Variants in PTPRD observed in about 807,000 individuals in gnomAD.
PTPRD encodes the protein receptor-type tyrosine-protein phosphatase delta.
PTPRD carries 34 observed loss-of-function variants against 214.5 expected under a neutral mutation model. That is an observed-to-expected ratio of 0.16 (90% CI 0.12 to 0.21). The LOEUF (loss-of-function observed/expected upper bound fraction) is 0.21, where lower values mean the gene tolerates loss of function less well. PTPRD is among the 10% of genes least tolerant of loss of function. PTPRD has a pLI of 1.00. For missense variants in PTPRD, 2,545 were observed against 2,398.7 expected, an observed-to-expected ratio of 1.06 and a Z score of -1.27; for synonymous variants, 1,128 against 845.7, an observed-to-expected ratio of 1.33 and a Z score of -5.79.
intron 3 of PTPRD, among the ~76,000 whole-genome samples, chr9:10,082,497 C>G (rs1454265764): frequency 6.6e-6 from 1 of 151,930 alleles, no homozygotes; most frequent in Non-Finnish European, 1.5e-5. Context: ...ACAATTCTAT[C>G]AACTGGAAAT....
chr9:10,392,928 T>G (rs2098098130), intron 2 of PTPRD, among the ~76,000 whole-genome samples: 1 of 151,790 alleles, frequency 6.6e-6, no homozygotes. Context: ...AATCCTGTGA[T>G]TCATCACAGT....
At chr9:8,872,942 G>C (rs1048389002) in intron 11 of PTPRD, among the ~76,000 whole-genome samples, 3 of 152,176 alleles carry the variant, frequency 2.0e-5, no homozygotes, top group African/African-American at 7.2e-5. Context: ...AGTGCTGTCG[G>C]TGGAAAATAG....
intron 11 of PTPRD, among the ~76,000 whole-genome samples, chr9:8,759,223 T>C (rs1420965378): frequency 6.6e-6 from 1 of 152,042 alleles, no homozygotes; most frequent in African/African-American, 2.4e-5. Flanking sequence ...GGTTTAACTT[T>C]TTTATTTTCA....
intron 2 of PTPRD, among the ~76,000 whole-genome samples, chr9:10,464,544 G>A (rs1217794804): frequency 6.6e-6 from 1 of 151,900 alleles, no homozygotes; most frequent in Non-Finnish European, 1.5e-5. Context: ...GACCATTACA[G>A]CTACTTTGTG....
intron 8 of PTPRD, among the ~76,000 whole-genome samples, chr9:9,503,760 C>T (rs1176705079): frequency 6.6e-6 from 1 of 151,624 alleles, no homozygotes; most frequent in Non-Finnish European, 1.5e-5. Context: ...GGCCCTCACA[C>T]ACACATGCCT....
Position 8,518,306 on chromosome 9 carries a change from T to G in PTPRD, c.1085A>C (p.Asn362Thr), listed in dbSNP as rs2097822914. 6.2e-7 allele frequency: 1 copy of G among 1,613,892 alleles called. No homozygotes were observed. The highest frequency in any genetic ancestry group is 8.5e-7 in the Non-Finnish European group (1 of 1,179,998). The change falls in exon 21 of 46, where the codon AAC becomes ACC. Residue 362 changes from asparagine (N) to threonine (T), a missense_variant. Coordinates refer to ENST00000381196, the MANE Select transcript of PTPRD (RefSeq NM_002839.4). ...SYYIIQHKPK[N>T]SEELYKEIDG... ...AATTTCTTTGTAAAGTTCCTCAGAG[T>G]TTTTAGGTTTATGCTGAATTATGTA...
chr9:9,897,219 T>C lies in PTPRD; in HGVS notation c.-368+41288A>G, dbSNP rs532406305. On this transcript the variant is annotated intron_variant, in intron 5 of 45. Coordinates refer to ENST00000381196, the MANE Select transcript of PTPRD (RefSeq NM_002839.4). ...GTAATGCCTAATGCCTACTTCAGAA[T>C]TGTTGCTTAAATCTAGAGGCAGAGG... is the stretch of plus-strand genomic sequence containing the variant. Among the ~76,000 whole-genome samples the C allele has an allele frequency of 5.3e-5, 8 of 152,030 alleles. No individual in the cohort carries two copies. In the South Asian group the frequency reaches 1.5e-3, roughly 28 times the overall value.
At chr9:8,599,547 A>C (rs1315164158) in intron 14 of PTPRD, among the ~76,000 whole-genome samples, 1 of 152,050 alleles carries the variant, frequency 6.6e-6, no homozygotes, top group Non-Finnish European at 1.5e-5. Flanking sequence ...AATTCACAGA[A>C]AACAAAAGGG....
chr9:9,054,449 A>C (rs1457887985), intron 10 of PTPRD, among the ~76,000 whole-genome samples: 1 of 152,204 alleles, frequency 6.6e-6, no homozygotes, highest in Non-Finnish European at 1.5e-5. Flanking sequence ...ATATAAAATT[A>C]TCATGACGTT....
chr9:8,328,795 T>C (rs1432325115), intron 44 of PTPRD, among the ~76,000 whole-genome samples: 1 of 152,144 alleles, frequency 6.6e-6, no homozygotes, highest in Non-Finnish European at 1.5e-5. Flanking sequence ...ATCTCGGACA[T>C]CCGTTCTTCC....
At chr9:9,189,353 T>C (rs1275955293) in intron 9 of PTPRD, among the ~76,000 whole-genome samples, 4 of 152,192 alleles carry the variant, frequency 2.6e-5, no homozygotes, top group South Asian at 2.1e-4. Flanking sequence ...ACGTAGTAGT[T>C]AACTGCAGAT....
At chr9:8,722,161 G>GTT (rs1555212632) in intron 12 of PTPRD, among the ~76,000 whole-genome samples, 179 of 135,396 alleles carry the variant, frequency 1.3e-3, no homozygotes, top group Non-Finnish European at 2.5e-3. Context: ...GTGTGTGTGT[G>GTT]TGTGTACAGA....
At chr9:8,693,193 C>T (rs1183371313) in intron 12 of PTPRD, among the ~76,000 whole-genome samples, 1 of 152,176 alleles carries the variant, frequency 6.6e-6, no homozygotes, top group South Asian at 2.1e-4. Context: ...AGTCCACCAC[C>T]ACAACTCCCA....
chr9:9,287,409 A>G (rs1009769606), intron 9 of PTPRD, among the ~76,000 whole-genome samples: 2 of 151,900 alleles, frequency 1.3e-5, no homozygotes, highest in Non-Finnish European at 2.9e-5. Context: ...GTGCTAAATT[A>G]TATGTCTCAA....
intron 9 of PTPRD, among the ~76,000 whole-genome samples, chr9:9,295,301 T>A (rs909837827): frequency 6.6e-6 from 1 of 151,788 alleles, no homozygotes; most frequent in Non-Finnish European, 1.5e-5. Flanking sequence ...TAGCAAATGT[T>A]CTAAAAACAA....
At chr9:8,483,324 A>T (rs1283057487) in intron 30 of PTPRD, among the ~76,000 whole-genome samples, 1 of 152,228 alleles carries the variant, frequency 6.6e-6, no homozygotes, top group Non-Finnish European at 1.5e-5. Flanking sequence ...TCAGTGTCAT[A>T]TACCATTATC....
At chr9:9,862,554 T>TTCAGAAACTGCGAGAA (rs2063005493) in intron 5 of PTPRD, among the ~76,000 whole-genome samples, 1 of 152,196 alleles carries the variant, frequency 6.6e-6, no homozygotes, top group African/African-American at 2.4e-5. Context: ...TGGCAAAGGC[T>TTCAGAAACTGCGAGAA]TCAGAAACTG....
chr9:10,276,821 G>A (rs919946415), intron 3 of PTPRD, among the ~76,000 whole-genome samples: 31 of 152,274 alleles, frequency 2.0e-4, no homozygotes, highest in Admixed American at 9.2e-4. Flanking sequence ...GGTGAGAAAA[G>A]CCAACCCAAA....
At chr9:9,225,236 A>T (rs928398456) in intron 9 of PTPRD, among the ~76,000 whole-genome samples, 2 of 152,052 alleles carry the variant, frequency 1.3e-5, no homozygotes, top group African/African-American at 2.4e-5. Flanking sequence ...AAATTTTTTT[A>T]AATTATGTCT....
Sources: allele counts gnomAD v4.1 joint callset (sites outside exome capture counted in the v4.1 genomes callset), GRCh38; gene constraint gnomAD v4.1.1; transcripts MANE v1.5; gene names NCBI Gene and HGNC (gene_info 2026-07-23, HGNC 2026-07-21).